The following RNF220 variants were observed in gnomAD, a reference collection of about 807,000 sequenced individuals.
RNF220 encodes E3 ubiquitin-protein ligase RNF220.
Under a neutral mutation model 67.1 loss-of-function variants are expected in RNF220, and 7 were observed. That is an observed-to-expected ratio of 0.10 (90% confidence interval 0.06 to 0.20). RNF220 has a LOEUF of 0.20. Ranked by LOEUF, RNF220 falls within the 10% of genes least tolerant of loss-of-function variation. The pLI is 1.00. For synonymous variants in RNF220, 270 were observed against 283.2 expected (o/e 0.95, Z 0.47); for missense variants, 565 against 740.3 (o/e 0.76, Z 2.75).
chr1:44,532,997 C>T (rs760016284), intron 2 of RNF220, among the ~76,000 whole-genome samples: 1 of 152,170 alleles, frequency 6.6e-6, no homozygotes, highest in Non-Finnish European at 1.5e-5. Context: ...TGGTCAGTCC[C>T]TGCTTGCACC....
In RNF220 at chr1:44,544,945, A is replaced by C. The variant is rs143516187; in HGVS notation, c.626-69220A>C. 4.4e-3 allele frequency among the ~76,000 whole-genome samples: 666 copies of C among 152,366 alleles called. 5 individuals carry two copies. The highest frequency in any genetic ancestry group is 0.015 in the African/African-American group (634 of 41,588). On this transcript the variant is annotated intron_variant, in intron 2 of 14. Transcript: ENST00000361799. ...CAGGAAAATGGTGAGAAGATGCTGAATGAGTTAATGCAACCAGGAAATACT... is the reference window on the plus strand; with the variant it reads ...CAGGAAAATGGTGAGAAGATGCTGACTGAGTTAATGCAACCAGGAAATACT...
chr1:44,424,661 T>C (rs1426622510), intron 2 of RNF220, among the ~76,000 whole-genome samples: 1 of 152,220 alleles, frequency 6.6e-6, no homozygotes, highest in African/African-American at 2.4e-5. Context: ...GTCTCCTGTC[T>C]TGGGGAGGAT....
rs113834642 is a variant in RNF220, at chr1:44,650,841, C to T, written c.*66C>T. The T allele has an allele frequency of 1.9e-4, 273 of 1,453,790 alleles. 1 individual carries two copies. The Middle Eastern group carries it at 4.0e-3, about 21-fold the overall frequency. 90.1% of individuals were successfully genotyped at this position (1,453,790 alleles called of 1,614,324 possible). On this transcript the variant is annotated 3_prime_UTR_variant, in exon 15 of 15. Transcript: ENST00000361799. The surrounding 1 kb of genome is among the most constrained non-coding windows in gnomAD (Gnocchi z 4.3). ...CTGCCCCCAGCCTCTGTGACAGTGA[C>T]CGTCTCCCTTTGTACATACTTGCAC...
chr1:44,599,422 C>T (rs1666765981), intron 2 of RNF220, among the ~76,000 whole-genome samples: 1 of 152,074 alleles, frequency 6.6e-6, no homozygotes, highest in East Asian at 1.9e-4. Context: ...TCTGTAATCC[C>T]AGCACTTTGG....
chr1:44,553,827 T>C (rs1172522095), intron 2 of RNF220, among the ~76,000 whole-genome samples: 1 of 152,126 alleles, frequency 6.6e-6, no homozygotes, highest in Non-Finnish European at 1.5e-5. Flanking sequence ...GTGAAGTACT[T>C]CAGAGCTAGC....
chr1:44,629,847 A>G (rs1644064863), intron 5 of RNF220, among the ~76,000 whole-genome samples: 1 of 152,254 alleles, frequency 6.6e-6, no homozygotes, highest in South Asian at 2.1e-4. Flanking sequence ...CTCCAGATAT[A>G]AAGACAACAC....
chr1:44,459,620 G>T (rs143368933), intron 2 of RNF220, among the ~76,000 whole-genome samples: 1 of 152,282 alleles, frequency 6.6e-6, no homozygotes, highest in East Asian at 1.9e-4. Context: ...ATCCTGTGCA[G>T]GTGGACCACA....
chr1:44,467,488 G>A (rs1415584606), intron 2 of RNF220, among the ~76,000 whole-genome samples: 1 of 152,226 alleles, frequency 6.6e-6, no homozygotes, highest in South Asian at 2.1e-4. Context: ...TGGGATTACA[G>A]GCGTGAGCCA....
Position 44,497,504 on chromosome 1 carries a change from G to A in RNF220, c.625+84782G>A, listed in dbSNP as rs186016966. On this transcript the variant is annotated intron_variant, in intron 2 of 14. Coordinates refer to ENST00000361799, the MANE Select transcript of RNF220 (RefSeq NM_018150.4). Reference sequence around the variant, plus strand: ...AGGGAACATCAGGTCTCATCAGGGTGTGATCAGCCCACAGTTTGTGCCAGT... The same window carrying A: ...AGGGAACATCAGGTCTCATCAGGGTATGATCAGCCCACAGTTTGTGCCAGT... Among the ~76,000 whole-genome samples, 53 of 152,292 alleles carry A rather than the reference G, an allele frequency of 3.5e-4. 1 individual carries two copies. The highest frequency in any genetic ancestry group is 1.1e-3 in the African/African-American group (45 of 41,546).
intron 1 of RNF220, chr1:44,408,601 T>G (rs1336195540): frequency 1.3e-5 from 2 of 152,244 alleles, no homozygotes; most frequent in Admixed American, 6.5e-5. Context: ...CTTGTTAATT[T>G]TTTTAAAAGT....
intron 2 of RNF220, among the ~76,000 whole-genome samples, chr1:44,518,294 G>A (rs748377994): frequency 1.3e-5 from 2 of 152,002 alleles, no homozygotes; most frequent in Non-Finnish European, 2.9e-5. Context: ...GAGCAGTGGT[G>A]AGCACGTTTA....
chr1:44,553,371 AGAATGAAT>A (rs55720653), intron 2 of RNF220, among the ~76,000 whole-genome samples: 93,623 of 150,598 alleles, frequency 0.62, 30,052 homozygotes, highest in Non-Finnish European at 0.7. Flanking sequence ...GCTGAGTATA[AGAATGAAT>A]GAATGAATGA....
At chr1:44,635,371 C>T (rs1039825473) in intron 6 of RNF220, 174 bp from the exon 7 acceptor site, 3 of 996,470 alleles carry the variant, frequency 3.0e-6, no homozygotes, top group Non-Finnish European at 4.3e-6. Flanking sequence ...GTGCTCTTGG[C>T]AAAGCCCAGT....
At chr1:44,500,587 C>T (rs1657750394) in intron 2 of RNF220, among the ~76,000 whole-genome samples, 1 of 152,220 alleles carries the variant, frequency 6.6e-6, no homozygotes. Flanking sequence ...ATGATAGGTG[C>T]TCAATGAGTA....
intron 2 of RNF220, among the ~76,000 whole-genome samples, chr1:44,498,688 C>T (rs2148074862): frequency 6.6e-6 from 1 of 152,232 alleles, no homozygotes; most frequent in East Asian, 1.9e-4. Flanking sequence ...ACCAGGGATT[C>T]TCAAACTTAC....
chr1:44,422,326 CA>C (rs1159678017), intron 2 of RNF220, among the ~76,000 whole-genome samples: 2 of 151,796 alleles, frequency 1.3e-5, no homozygotes, highest in Non-Finnish European at 2.9e-5. Flanking sequence ...CCTTCCTGAG[CA>C]GTAAAATTAA....
chr1:44,633,430 G>A (rs766906160), intron 6 of RNF220, among the ~76,000 whole-genome samples: 25 of 152,084 alleles, frequency 1.6e-4, no homozygotes, highest in Non-Finnish European at 2.8e-4. Context: ...CTTCCTACTC[G>A]TACGTAGCCT....
chr1:44,429,586 G>A (rs1361196959), intron 2 of RNF220, among the ~76,000 whole-genome samples: 1 of 152,206 alleles, frequency 6.6e-6, no homozygotes, highest in African/African-American at 2.4e-5. Flanking sequence ...ACCTTCACAG[G>A]GAAGGTGGGA....
intron 2 of RNF220, among the ~76,000 whole-genome samples, chr1:44,476,068 G>A (rs1351502536): frequency 1.3e-5 from 2 of 151,924 alleles, no homozygotes; most frequent in Admixed American, 1.3e-4. Flanking sequence ...TGATATACAT[G>A]CTTATAAAGT....
Sources: allele counts gnomAD v4.1 joint callset (sites outside exome capture counted in the v4.1 genomes callset), GRCh38; gene constraint gnomAD v4.1.1; non-coding constraint Gnocchi (gnomAD v3.1); transcripts MANE v1.5; gene names NCBI Gene and HGNC (gene_info 2026-07-23, HGNC 2026-07-21).